Variants in TRA2A observed in about 807,000 individuals in gnomAD.
TRA2A encodes the protein transformer-2 protein homolog alpha.
In TRA2A, 31 loss-of-function variants were observed where a neutral mutation model predicts 45.7. The ratio of observed to expected loss-of-function variants is 0.68; its 90% CI spans 0.51 to 0.92. The LOEUF is 0.92. Among genes scored for constraint, TRA2A ranks in the 40% least tolerant of loss-of-function variants. TRA2A has a pLI of 0.00. For synonymous variants in TRA2A, 132 were observed against 126.2 expected, an observed-to-expected ratio of 1.05 and a Z score of -0.31; for missense variants, 304 against 367.5, an observed-to-expected ratio of 0.83 and a Z score of 1.41.
chr7:23,521,913 A>G, intron 1 of TRA2A, 73 bp from the exon 2 acceptor site: 1 of 1,583,468 alleles, frequency 6.3e-7, no homozygotes, highest in Non-Finnish European at 8.6e-7. Flanking sequence ...AAAGTACCGT[A>G]ATTATTTATA....
chr7:23,508,277 A>G (rs1292551029), intron 4 of TRA2A, among the ~76,000 whole-genome samples: 5 of 75,472 alleles, frequency 6.6e-5, no homozygotes, highest in Non-Finnish European at 1.4e-4. Flanking sequence ...AAGGTCATTA[A>G]AAAAAAAAAA....
At chr7:23,519,426 A>G (rs1790034736) in intron 2 of TRA2A, among the ~76,000 whole-genome samples, 1 of 152,040 alleles carries the variant, frequency 6.6e-6, no homozygotes. Flanking sequence ...ACTGACACAG[A>G]CCAGCAGTGA....
intron 1 of TRA2A, among the ~76,000 whole-genome samples, chr7:23,527,470 C>G: frequency 6.6e-6 from 1 of 152,128 alleles, no homozygotes; most frequent in Non-Finnish European, 1.5e-5. Flanking sequence ...AATTCATTAG[C>G]ACGTGAATAC....
At chr7:23,509,801 A>G (rs1031821228) in intron 4 of TRA2A, among the ~76,000 whole-genome samples, 2 of 152,032 alleles carry the variant, frequency 1.3e-5, no homozygotes, top group Non-Finnish European at 2.9e-5. Context: ...GGGGAGGCCA[A>G]ATCACTTGAG....
At chr7:23,515,017 C>A (rs1272101051) in intron 3 of TRA2A, among the ~76,000 whole-genome samples, 1 of 152,096 alleles carries the variant, frequency 6.6e-6, no homozygotes, top group Non-Finnish European at 1.5e-5. Context: ...TGTCATACAT[C>A]CAAGACTCAA....
rs1170310970 is a variant in TRA2A, at chr7:23,505,768, T to C, written c.816A>G (p.Ser272=). ...SPYYSRYRSR[S]RSRSYSPRRY is the part of the protein sequence containing the mutation. ...TACTTGGGCTGTAGGAACGAGATCTTGATCGTGATCTATATCGACTATAAT... is the reference window on the plus strand; with the variant it reads ...TACTTGGGCTGTAGGAACGAGATCTCGATCGTGATCTATATCGACTATAAT... The change falls in exon 7 of 8, where the codon TCA becomes TCG. Residue 272 remains serine, a synonymous_variant. Coordinates refer to ENST00000297071, the MANE Select transcript of TRA2A (RefSeq NM_013293.5). 2 of 1,561,882 alleles carry C rather than the reference T, an allele frequency of 1.3e-6. No homozygotes were observed. The highest frequency in any genetic ancestry group is 1.7e-6 in the Non-Finnish European group (2 of 1,160,600).
At chr7:23,513,168 T>A in intron 3 of TRA2A, 86 bp from the exon 4 acceptor site, 1 of 839,282 alleles carries the variant, frequency 1.2e-6, no homozygotes, top group Non-Finnish European at 1.8e-6. Flanking sequence ...ACACCTCATC[T>A]AATACACAAT....
intron 7 of TRA2A, 59 bp downstream of exon 7, chr7:23,505,687 A>C: frequency 8.8e-7 from 1 of 1,139,666 alleles, no homozygotes; most frequent in Non-Finnish European, 1.3e-6. Context: ...CTAATATTCT[A>C]AAGTAAGCCA....
At chr7:23,531,627 A>C in intron 1 of TRA2A, 162 bp downstream of exon 1, 2 of 697,324 alleles carry the variant, frequency 2.9e-6, no homozygotes, top group South Asian at 3.5e-5. Flanking sequence ...TTGGGGAAGG[A>C]GTGGAACCCA....
chr7:23,510,492 G>A (rs970965892), intron 4 of TRA2A, among the ~76,000 whole-genome samples: 3 of 139,740 alleles, frequency 2.1e-5, no homozygotes, highest in East Asian at 2.0e-4. Flanking sequence ...CACAATGCCC[G>A]GCTAATTTTT....
chr7:23,509,255 C>T lies in TRA2A; in HGVS notation c.526-1720G>A, dbSNP rs11972300. ...AAAATTCTCTAAGTTGATCTCCCTG[C>T]ACCCCATCCTAAGCACCCCCCAAAA... On this transcript the variant is annotated intron_variant, in intron 4 of 7. Transcript: ENST00000297071. 5.6e-3 allele frequency among the ~76,000 whole-genome samples: 850 copies of T among 152,072 alleles called. 13 individuals are homozygous for T. The highest frequency in any genetic ancestry group is 0.02 in the African/African-American group (813 of 41,402).
Position 23,531,811 on chromosome 7 carries a change from T to G in TRA2A, c.14A>C (p.Glu5Ala). The G allele has an allele frequency of 6.2e-7, 1 of 1,613,796 alleles. No individual in the cohort carries two copies. The highest frequency in any genetic ancestry group is 1.3e-5 in the African/African-American group (1 of 75,058). ...CACTCTGCCCTCGAAGTTGTTTTCCTCCACATCACTCATGTCGACGAGGCG... is the reference window on the plus strand; with the variant it reads ...CACTCTGCCCTCGAAGTTGTTTTCCGCCACATCACTCATGTCGACGAGGCG... MSDV[E>A]ENNFEGRESR... Residue 5 changes from glutamate to alanine, a missense_variant, in exon 1 of 8, where the codon GAG (glutamate) becomes GCG (alanine). By Grantham distance (107) the Glu-to-Ala change is moderately radical (BLOSUM62 -1). This residue lies in a region of TRA2A where 132 missense variants were observed against 113.4 expected (regional missense o/e 1.16). Coordinates refer to ENST00000297071, the MANE Select transcript of TRA2A (RefSeq NM_013293.5).
At chr7:23,511,267 A>G (rs1789589236) in intron 4 of TRA2A, among the ~76,000 whole-genome samples, 1 of 149,782 alleles carries the variant, frequency 6.7e-6, no homozygotes, top group Non-Finnish European at 1.5e-5. Context: ...GCTACTCGGG[A>G]GGCTGAGGCA....
intron 1 of TRA2A, among the ~76,000 whole-genome samples, chr7:23,527,993 C>T (rs959761984): frequency 2.0e-5 from 3 of 151,978 alleles, no homozygotes; most frequent in Non-Finnish European, 4.4e-5. Context: ...AATGATAGTA[C>T]TTAAATTTAG....
rs1789258112 is a variant in TRA2A at position 23,505,212 on chromosome 7, C to T, written c.*347G>A. 4.2e-6 allele frequency: 1 copy of T among 235,368 alleles called. No individual in the cohort carries two copies. Among genetic ancestry groups the T allele is most frequent in the South Asian group, 1.7e-4 (1 of 6,034 alleles). 14.6% of individuals were successfully genotyped at this position (235,368 alleles called of 1,614,324 possible). A position where few individuals can be genotyped will look rare whatever the true frequency, so the allele number is the denominator to read the frequency against. ...TAAATGCAGATCTCTAATACAGTAT[C>T]TAACACAAAAGAAGCTTTAAAAAGA... On this transcript the variant is annotated 3_prime_UTR_variant, in exon 8 of 8. Transcript: ENST00000297071.
chr7:23,530,019 C>G (rs2128001877), intron 1 of TRA2A, among the ~76,000 whole-genome samples: 1 of 152,138 alleles, frequency 6.6e-6, no homozygotes, highest in African/African-American at 2.4e-5. Flanking sequence ...CAAACAAGGT[C>G]CCTCCAGTAG....
intron 4 of TRA2A, 107 bp downstream of exon 4, chr7:23,512,787 A>AG (rs1486482010): frequency 1.0e-6 from 1 of 972,072 alleles, no homozygotes; most frequent in Non-Finnish European, 1.4e-6. Context: ...AAAAAAAAAA[A>AG]GAAAAAAAGG....
At chr7:23,510,455 G>A (rs765933885) in intron 4 of TRA2A, among the ~76,000 whole-genome samples, 2 of 152,058 alleles carry the variant, frequency 1.3e-5, no homozygotes, top group African/African-American at 4.8e-5. Flanking sequence ...TCAGCCTCCC[G>A]AGTAGCTTGG....
intron 2 of TRA2A, among the ~76,000 whole-genome samples, chr7:23,520,348 T>C (rs1435185519): frequency 6.6e-6 from 1 of 152,114 alleles, no homozygotes; most frequent in Non-Finnish European, 1.5e-5. Context: ...AGGTGACAAA[T>C]GAAATGAGAC....
Sources: allele counts gnomAD v4.1 joint callset (sites outside exome capture counted in the v4.1 genomes callset), GRCh38; gene constraint gnomAD v4.1.1; regional missense constraint gnomAD v4.1.1; transcripts MANE v1.5; gene names NCBI Gene and HGNC (gene_info 2026-07-23, HGNC 2026-07-21).